Variants in TRAK1 observed in about 807,000 individuals in gnomAD.
TRAK1 encodes the protein trafficking kinesin protein 1.
Under a neutral mutation model 92.1 loss-of-function variants are expected in TRAK1, and 33 were observed. The observed-to-expected ratio is 0.36, with a 90% CI of 0.27 to 0.48. The LOEUF (loss-of-function observed/expected upper bound fraction) is 0.48. TRAK1 is among the 20% of genes least tolerant of loss of function. The pLI, the probability that TRAK1 is intolerant of heterozygous loss-of-function variation, is 0.99. For missense variants in TRAK1, 1,123 were observed against 1,257.9 expected, an observed-to-expected ratio of 0.89 and a Z score of 1.62; for synonymous variants, 521 against 517.3, an observed-to-expected ratio of 1.01 and a Z score of -0.10.
chr3:42,163,046 C>G (rs951654373), intron 2 of TRAK1, among the ~76,000 whole-genome samples: 9 of 152,194 alleles, frequency 5.9e-5, no homozygotes, highest in Admixed American at 1.3e-4. Flanking sequence ...TATGTGGATT[C>G]ATGCATTGAA....
chr3:42,038,835 T>C (rs1244626357), intron 1 of TRAK1, among the ~76,000 whole-genome samples: 1 of 128,186 alleles, frequency 7.8e-6, no homozygotes, highest in Non-Finnish European at 1.6e-5. Context: ...GTAGAGACAG[T>C]CTCCCTATGT....
chr3:42,072,312 G>C (rs1403227238), intron 1 of TRAK1, among the ~76,000 whole-genome samples: 1 of 152,022 alleles, frequency 6.6e-6, no homozygotes, highest in Non-Finnish European at 1.5e-5. Flanking sequence ...TCTTTCAGGT[G>C]GTGCATCTTC....
At chr3:42,151,963 C>G (rs1418274085) in intron 2 of TRAK1, among the ~76,000 whole-genome samples, 1 of 152,190 alleles carries the variant, frequency 6.6e-6, no homozygotes, top group Non-Finnish European at 1.5e-5. Flanking sequence ...TATGTCAGAG[C>G]TACTGACTCA....
At chr3:42,210,849 A>G (rs1242772558) in intron 14 of TRAK1, 1 of 981,546 alleles carries the variant, frequency 1.0e-6, no homozygotes, top group East Asian at 1.2e-4. Flanking sequence ...GACTCCACCC[A>G]CTGTCCCCAA....
intron 1 of TRAK1, among the ~76,000 whole-genome samples, chr3:42,106,861 C>T (rs1707635115): frequency 2.0e-5 from 3 of 152,122 alleles, no homozygotes; most frequent in Admixed American, 2.0e-4. Context: ...AACCATTGTT[C>T]ATTTTTAAAC....
chr3:42,108,889 T>C (rs1707958877), intron 1 of TRAK1, among the ~76,000 whole-genome samples: 1 of 152,160 alleles, frequency 6.6e-6, no homozygotes, highest in Non-Finnish European at 1.5e-5. Flanking sequence ...ATCTATGTGC[T>C]TTGCTTAAGA....
intron 1 of TRAK1, among the ~76,000 whole-genome samples, chr3:42,032,180 T>C (rs1046524767): frequency 7.9e-5 from 12 of 152,204 alleles, no homozygotes; most frequent in Non-Finnish European, 2.9e-5. Flanking sequence ...GAAGGTGCAG[T>C]TCTCTTGGAA....
At chr3:42,209,626 G>A (rs1309793712) in intron 13 of TRAK1, 141 bp from the exon 14 acceptor site, 19 of 775,730 alleles carry the variant, frequency 2.4e-5, no homozygotes, top group African/African-American at 3.5e-5. Flanking sequence ...TGAAGTTCCC[G>A]CTGCAGTCCA....
intron 1 of TRAK1, among the ~76,000 whole-genome samples, chr3:42,024,629 A>G (rs922559238): frequency 6.6e-6 from 1 of 152,248 alleles, no homozygotes; most frequent in African/African-American, 2.4e-5. Flanking sequence ...CAGTAGATGA[A>G]GTTAATGATT....
intron 1 of TRAK1, among the ~76,000 whole-genome samples, chr3:42,027,644 T>C (rs1236959574): frequency 6.6e-6 from 1 of 152,186 alleles, no homozygotes; most frequent in Non-Finnish European, 1.5e-5. Context: ...AAATATTTTT[T>C]AAAAAGCCCC....
chr3:42,158,169 A>G (rs1700782242), intron 2 of TRAK1, among the ~76,000 whole-genome samples: 1 of 152,238 alleles, frequency 6.6e-6, no homozygotes, highest in Admixed American at 6.5e-5. Flanking sequence ...GTTTCATAAT[A>G]GCGATACTCT....
At chr3:42,133,900 CTT>C (rs1245333381) in intron 2 of TRAK1, among the ~76,000 whole-genome samples, 2 of 152,136 alleles carry the variant, frequency 1.3e-5, no homozygotes, top group African/African-American at 4.8e-5. Context: ...AGATGTAACA[CTT>C]TTTTTATAGC....
chr3:42,183,776 A>G (rs1332508294), intron 3 of TRAK1, among the ~76,000 whole-genome samples: 2 of 152,028 alleles, frequency 1.3e-5, no homozygotes, highest in Non-Finnish European at 2.9e-5. Flanking sequence ...AAATGATTTA[A>G]TTTTTCTGAC....
chr3:42,143,803 G>T (rs1698997180), intron 2 of TRAK1, among the ~76,000 whole-genome samples: 1 of 152,178 alleles, frequency 6.6e-6, no homozygotes, highest in Non-Finnish European at 1.5e-5. Context: ...TGGTGTGAAG[G>T]AAAGTGGATT....
At chr3:42,195,034 C>T in intron 10 of TRAK1, 93 bp downstream of exon 10, 1 of 1,482,104 alleles carries the variant, frequency 6.7e-7, no homozygotes, top group Non-Finnish European at 9.1e-7. Flanking sequence ...GTTGGGTGTT[C>T]ACAGTTCGCT....
intron 2 of TRAK1, among the ~76,000 whole-genome samples, chr3:42,145,203 A>G (rs1699175360): frequency 6.6e-6 from 1 of 152,208 alleles, no homozygotes; most frequent in African/African-American, 2.4e-5. Context: ...GGGCAAAGGG[A>G]GCCAACCGTG....
At chr3:42,093,139 A>G (rs1705350180) in intron 1 of TRAK1, among the ~76,000 whole-genome samples, 2 of 152,194 alleles carry the variant, frequency 1.3e-5, no homozygotes, top group Non-Finnish European at 2.9e-5. Context: ...CCCTTTTACA[A>G]CAGAGTGAGA....
intron 1 of TRAK1, among the ~76,000 whole-genome samples, chr3:42,099,978 T>C (rs12715376): frequency 0.69 from 105,470 of 151,786 alleles, 36,833 homozygotes; most frequent in South Asian, 0.81. Context: ...TGCAGCACCA[T>C]CTAGTGGGCC....
In TRAK1 at chr3:42,223,377, C is replaced by G; in HGVS notation, c.2502C>G (p.Thr834=). The G allele has an allele frequency of 6.2e-7, 1 of 1,614,208 alleles. No homozygotes were observed. The highest frequency in any genetic ancestry group is 8.5e-7 in the Non-Finnish European group (1 of 1,180,036). ...EKNVRSSESQ[T]DVSVSNLNLV... ...ACGTCCGCAGCAGCGAGAGCCAGAC[C>G]GACGTGTCCGTCTCCAACCTCAACC... Residue 834 remains threonine, a synonymous_variant, in exon 16 of 16, where the codon ACC becomes ACG. Transcript: ENST00000327628. The surrounding 1 kb of genome is among the most constrained non-coding windows in gnomAD (Gnocchi z 6.1).
Sources: gnomAD v4.1 joint callset for allele counts (sites outside exome capture counted in the v4.1 genomes callset) on GRCh38, gnomAD v4.1.1 for gene constraint, Gnocchi (gnomAD v3.1) non-coding constraint, MANE v1.5 for transcripts, NCBI Gene and HGNC (gene_info 2026-07-23, HGNC 2026-07-21) for gene names.